AGBL4: variants seen among roughly 807,000 people sequenced by gnomAD.
AGBL4 encodes the protein AGBL carboxypeptidase 4, also known as cytosolic carboxypeptidase 6.
Under a neutral mutation model 66.4 loss-of-function variants are expected in AGBL4, and 58 were observed. That is an observed-to-expected ratio of 0.87 (90% CI 0.71 to 1.09). The LOEUF (loss-of-function observed/expected upper bound fraction) is 1.09, where lower values mean the gene tolerates loss of function less well. AGBL4 is among the 50% of genes least tolerant of loss of function. The pLI, the probability that AGBL4 is intolerant of heterozygous loss-of-function variation, is 0.00. For synonymous variants in AGBL4, 234 were observed against 222.9 expected, an observed-to-expected ratio of 1.05 and a Z score of -0.44; for missense variants, 579 against 631.0, an observed-to-expected ratio of 0.92 and a Z score of 0.88.
chr1:49,723,248 T>A (rs1184810003), intron 2 of AGBL4, among the ~76,000 whole-genome samples: 1 of 152,126 alleles, frequency 6.6e-6, no homozygotes, highest in African/African-American at 2.4e-5. Flanking sequence ...TAACCTTGGC[T>A]CAAATAAGCT....
intron 3 of AGBL4, among the ~76,000 whole-genome samples, chr1:49,284,911 C>T (rs985376170): frequency 6.6e-6 from 1 of 150,436 alleles, no homozygotes; most frequent in African/African-American, 2.5e-5. Flanking sequence ...TAGACTCCCA[C>T]ACATTAATAA....
intron 12 of AGBL4, among the ~76,000 whole-genome samples, chr1:48,538,497 C>T (rs145680421): frequency 1.3e-5 from 2 of 152,184 alleles, no homozygotes; most frequent in African/African-American, 4.8e-5. Context: ...TGAACCCATG[C>T]TGATGAACTT....
chr1:48,736,315 T>G lies in AGBL4; in HGVS notation c.635-73074A>C, dbSNP rs1649044129. The G allele has an allele frequency of 9.3e-6, 15 of 1,614,110 alleles. No individual in the cohort carries two copies. The highest frequency in any genetic ancestry group is 1.3e-5 in the Non-Finnish European group (15 of 1,180,040). Reference sequence around the variant, plus strand: ...CTTTCTTTTTTTTTGTGGCGACGCCTGTGACGCTTCTGTTTTTCAGAACAT... The same window carrying G: ...CTTTCTTTTTTTTTGTGGCGACGCCGGTGACGCTTCTGTTTTTCAGAACAT... On this transcript the variant is annotated intron_variant, in intron 6 of 13. Coordinates refer to ENST00000371839, the MANE Select transcript of AGBL4 (RefSeq NM_032785.4). The surrounding 1 kb of genome is among the most constrained non-coding windows in gnomAD (Gnocchi z 4.0).
intron 3 of AGBL4, among the ~76,000 whole-genome samples, chr1:49,307,638 A>G (rs1381120345): frequency 6.6e-6 from 1 of 152,154 alleles, no homozygotes; most frequent in Admixed American, 6.6e-5. Context: ...CTAGCCTAAC[A>G]ATGCCCTAGG....
intron 5 of AGBL4, among the ~76,000 whole-genome samples, chr1:49,018,227 G>C (rs1159889703): frequency 1.3e-5 from 2 of 152,172 alleles, no homozygotes; most frequent in Non-Finnish European, 2.9e-5. Flanking sequence ...AGCAGTTTTA[G>C]TCTCCTCTAC....
intron 3 of AGBL4, among the ~76,000 whole-genome samples, chr1:49,552,712 T>C (rs1044879802): frequency 3.9e-5 from 6 of 152,172 alleles, no homozygotes; most frequent in Admixed American, 3.9e-4. Context: ...TGAATCCTCT[T>C]GGGATTGCTG....
chr1:49,681,583 C>G (rs1052317342), intron 3 of AGBL4, among the ~76,000 whole-genome samples: 5 of 152,154 alleles, frequency 3.3e-5, no homozygotes, highest in African/African-American at 1.2e-4. Flanking sequence ...TTTACTCCAC[C>G]TTTCATAGTC....
chr1:49,874,525 G>A lies in AGBL4; in HGVS notation c.35-23007C>T, dbSNP rs545847146. On this transcript the variant is annotated intron_variant, in intron 1 of 13. Transcript: ENST00000371839. Reference sequence around the variant, plus strand: ...GGCTATAATCCATTGTAATGTCATAGAATTAAGTCTACTTATTATATGTAA... The same window carrying A: ...GGCTATAATCCATTGTAATGTCATAAAATTAAGTCTACTTATTATATGTAA... Among the ~76,000 whole-genome samples, 41 of 152,118 alleles carry A rather than the reference G, an allele frequency of 2.7e-4. 1 individual carries two copies. Among genetic ancestry groups the A allele is most frequent in the Non-Finnish European group, 5.9e-5 (4 of 67,980 alleles).
At position 48,965,636 on chromosome 1, in the gene AGBL4, G is replaced by C. The variant is rs1225277377; in HGVS notation, c.594+79948C>G. 2.6e-5 allele frequency among the ~76,000 whole-genome samples: 4 copies of C among 152,128 alleles called. No homozygotes were observed. In the East Asian group the frequency reaches 7.7e-4, roughly 29 times the overall value. On this transcript the variant is annotated intron_variant, in intron 5 of 13. Transcript: ENST00000371839. ...GGTGCCACACAGTTCCTGACAATTT[G>C]AGTTGTATAACTAAGCTGGAATAGT...
At chr1:49,796,797 A>C (rs1243622392) in intron 2 of AGBL4, among the ~76,000 whole-genome samples, 6 of 151,978 alleles carry the variant, frequency 3.9e-5, no homozygotes, top group Non-Finnish European at 7.4e-5. Flanking sequence ...CACATTTCTA[A>C]TAATGAGTAC....
At chr1:49,662,754 C>T (rs1646293983) in intron 3 of AGBL4, among the ~76,000 whole-genome samples, 1 of 152,108 alleles carries the variant, frequency 6.6e-6, no homozygotes, top group African/African-American at 2.4e-5. Flanking sequence ...AGTTCTAACA[C>T]TTCATAAGCA....
rs1392824198 is a variant in AGBL4, at chr1:49,917,097, C to G, written c.35-65579G>C. 2.0e-5 allele frequency among the ~76,000 whole-genome samples: 3 copies of G among 152,060 alleles called. No homozygotes were observed. The South Asian group carries it at 6.2e-4, about 32-fold the overall frequency. On this transcript the variant is annotated intron_variant, in intron 1 of 13. Transcript: ENST00000371839. ...GCTCCTGAAAGAAGCACTAAACATGCAAAGGAACAACCGGTACCAGCCACT... is the reference window on the plus strand; with the variant it reads ...GCTCCTGAAAGAAGCACTAAACATGGAAAGGAACAACCGGTACCAGCCACT...
chr1:49,495,078 C>T (rs997679847), intron 3 of AGBL4, among the ~76,000 whole-genome samples: 1 of 152,026 alleles, frequency 6.6e-6, no homozygotes, highest in Non-Finnish European at 1.5e-5. Flanking sequence ...TCCACATTCT[C>T]AGAAGCCAAT....
chr1:49,307,193 C>G (rs1361956107), intron 3 of AGBL4, among the ~76,000 whole-genome samples: 1 of 152,104 alleles, frequency 6.6e-6, no homozygotes, highest in Non-Finnish European at 1.5e-5. Flanking sequence ...AAGTCTGGCC[C>G]TTTTCCAAAG....
intron 5 of AGBL4, among the ~76,000 whole-genome samples, chr1:48,899,241 G>A (rs1043169956): frequency 2.0e-5 from 3 of 152,242 alleles, no homozygotes; most frequent in East Asian, 1.9e-4. Flanking sequence ...CTGTGCGGGC[G>A]AGGGCCTATA....
intron 3 of AGBL4, among the ~76,000 whole-genome samples, chr1:49,694,655 T>G (rs1456823735): frequency 6.6e-6 from 1 of 152,192 alleles, no homozygotes; most frequent in African/African-American, 2.4e-5. Context: ...TTCATGTTAC[T>G]TGCACAGTTA....
At chr1:48,623,250 C>T (rs916753852) in intron 9 of AGBL4, among the ~76,000 whole-genome samples, 3 of 152,174 alleles carry the variant, frequency 2.0e-5, no homozygotes, top group Admixed American at 1.3e-4. Flanking sequence ...TATCTATACA[C>T]TTTAGTAGCC....
intron 5 of AGBL4, among the ~76,000 whole-genome samples, chr1:48,927,185 C>T (rs534469901): frequency 3.9e-5 from 6 of 152,222 alleles, no homozygotes; most frequent in Admixed American, 2.0e-4. Flanking sequence ...CTAAAAAAGA[C>T]GTACCTGAGA....
chr1:49,737,466 G>A (rs547995549), intron 2 of AGBL4, among the ~76,000 whole-genome samples: 209 of 152,230 alleles, frequency 1.4e-3, no homozygotes, highest in Middle Eastern at 6.8e-3. Flanking sequence ...ACTTATAAGT[G>A]GTAGCTAAAC....
Sources: gnomAD v4.1 joint callset for allele counts (sites outside exome capture counted in the v4.1 genomes callset) on GRCh38, gnomAD v4.1.1 for gene constraint, Gnocchi (gnomAD v3.1) non-coding constraint, MANE v1.5 for transcripts, NCBI Gene and HGNC (gene_info 2026-07-23, HGNC 2026-07-21) for gene names.